RBFOX1: variants seen among roughly 807,000 people sequenced by gnomAD.
RBFOX1 encodes the protein RNA binding protein fox-1 homolog 1.
RBFOX1 carries 8 observed loss-of-function variants against 57.7 expected under a neutral mutation model. The ratio of observed to expected loss-of-function variants is 0.14; its 90% CI spans 0.08 to 0.25. The LOEUF is 0.25. Ranked by LOEUF, RBFOX1 falls within the 10% of genes least tolerant of loss-of-function variation. The probability of loss-of-function intolerance (pLI) is 1.00; values close to 1 mark genes in which losing one functional copy is unlikely to be tolerated. For missense variants in RBFOX1, 611 were observed against 548.5 expected (o/e 1.11, Z -1.14); for synonymous variants, 326 against 222.4 (o/e 1.47, Z -4.15).
At chr16:6,779,354 T>G (rs969569824) in intron 3 of RBFOX1, among the ~76,000 whole-genome samples, 2 of 152,058 alleles carry the variant, frequency 1.3e-5, no homozygotes, top group African/African-American at 4.8e-5. Context: ...ATGTCATGCT[T>G]TTTTGTGGTT....
chr16:6,544,208 T>C (rs1395900739), intron 2 of RBFOX1, among the ~76,000 whole-genome samples: 3 of 152,188 alleles, frequency 2.0e-5, no homozygotes, highest in Non-Finnish European at 1.5e-5. Context: ...GCATTCACTT[T>C]ATGGTACTTG....
chr16:6,447,730 C>G (rs764795799), intron 2 of RBFOX1, among the ~76,000 whole-genome samples: 1 of 152,174 alleles, frequency 6.6e-6, no homozygotes, highest in African/African-American at 2.4e-5. Context: ...GTATGCCACA[C>G]CAAATGCTGC....
At chr16:6,498,051 C>T (rs1238992126) in intron 2 of RBFOX1, among the ~76,000 whole-genome samples, 4 of 151,828 alleles carry the variant, frequency 2.6e-5, no homozygotes, top group Non-Finnish European at 5.9e-5. Context: ...GAGTTTGAGA[C>T]CAGCCTTGCC....
intron 4 of RBFOX1, among the ~76,000 whole-genome samples, chr16:7,197,334 C>G (rs2086961329): frequency 6.6e-6 from 1 of 151,452 alleles, no homozygotes. Flanking sequence ...ATTTTAACTC[C>G]TGATCTTGGG....
rs147610087 is a variant in RBFOX1, at chr16:5,711,898, T to C, written c.318+112937T>C. On this transcript the variant is annotated intron_variant, in intron 3 of 19. Coordinates refer to the RBFOX1 transcript ENST00000641259. ...TTTATTGAGTGCTTATTTAGGACCA[T>C]TGACCTGCTATGCATTAGTTTGTTC... 1.9e-3 allele frequency among the ~76,000 whole-genome samples: 293 copies of C among 152,342 alleles called. 1 individual carries two copies. The highest frequency in any genetic ancestry group is 6.5e-3 in the African/African-American group (271 of 41,574).
At chr16:5,884,211 G>A (rs1173837825) in intron 4 of RBFOX1, among the ~76,000 whole-genome samples, 1 of 152,220 alleles carries the variant, frequency 6.6e-6, no homozygotes, top group Non-Finnish European at 1.5e-5. Flanking sequence ...CAGCATCTCA[G>A]ATGATAACTC....
chr16:7,478,758 T>A (rs953392719), intron 4 of RBFOX1, among the ~76,000 whole-genome samples: 1 of 152,184 alleles, frequency 6.6e-6, no homozygotes, highest in Non-Finnish European at 1.5e-5. Flanking sequence ...CTGACTCCGC[T>A]TATTGCTGGA....
rs149361120 is a variant in RBFOX1, at chr16:6,805,732, C to G, written c.-16+151082C>G. 1.1e-3 allele frequency among the ~76,000 whole-genome samples: 165 copies of G among 152,276 alleles called. 1 individual carries two copies. Among genetic ancestry groups the G allele is most frequent in the African/African-American group, 3.8e-3 (159 of 41,576 alleles). ...TTCTGCATGCCTCACAATGTACCCT[C>G]CTTTCTTCAAGGTTTTTCCCTCCAC... On this transcript the variant is annotated intron_variant, in intron 3 of 15. Transcript: ENST00000550418.
intron 1 of RBFOX1, among the ~76,000 whole-genome samples, chr16:6,122,152 C>G (rs976853675): frequency 5.3e-5 from 8 of 152,164 alleles, no homozygotes; most frequent in African/African-American, 9.7e-5. Context: ...ATGATCCGCC[C>G]ACCTTGGTCT....
chr16:6,058,447 G>C (rs1455224302), intron 1 of RBFOX1, among the ~76,000 whole-genome samples: 1 of 151,986 alleles, frequency 6.6e-6, no homozygotes, highest in Non-Finnish European at 1.5e-5. Context: ...TGTTTATGCT[G>C]GTTTAGATCT....
At chr16:6,038,040 C>T (rs2095389391) in intron 1 of RBFOX1, 1 of 152,138 alleles carries the variant, frequency 6.6e-6, no homozygotes, top group South Asian at 2.1e-4. Flanking sequence ...ATGGGAAGCA[C>T]AGGGCTTCCA....
downstream of RBFOX1, among the ~76,000 whole-genome samples, chr16:5,601,969 G>T (rs895761765): frequency 1.3e-5 from 2 of 152,182 alleles, no homozygotes; most frequent in African/African-American, 4.8e-5. Context: ...AAGGGATGAT[G>T]GTATCCTGCT....
intron 5 of RBFOX1, among the ~76,000 whole-genome samples, chr16:7,531,585 A>G (rs902966574): frequency 1.3e-5 from 2 of 152,190 alleles, no homozygotes; most frequent in South Asian, 2.1e-4. Flanking sequence ...GGGGTCTTCC[A>G]TGAGCCATGC....
chr16:7,590,474 C>T (rs938797565), intron 7 of RBFOX1, among the ~76,000 whole-genome samples: 14 of 152,042 alleles, frequency 9.2e-5, no homozygotes, highest in South Asian at 2.1e-4. Flanking sequence ...ATTTATTTTT[C>T]CTTTTTACGA....
chr16:6,934,680 G>A lies in RBFOX1; in HGVS notation c.-15-117377G>A, dbSNP rs565159616. On this transcript the variant is annotated intron_variant, in intron 3 of 15. Coordinates refer to ENST00000550418, the MANE Select transcript of RBFOX1 (RefSeq NM_018723.4). ...ACCATATTCTCACTCATATGTGGGAGTTAAAAAATATGATCTCGAGATTTT... is the reference window on the plus strand; with the variant it reads ...ACCATATTCTCACTCATATGTGGGAATTAAAAAATATGATCTCGAGATTTT... Among the ~76,000 whole-genome samples, 5 of 150,758 alleles carry A rather than the reference G, an allele frequency of 3.3e-5. No individual in the cohort carries two copies. In the South Asian group the frequency reaches 8.3e-4, roughly 25 times the overall value.
chr16:7,582,310 C>T (rs902230907), intron 6 of RBFOX1, among the ~76,000 whole-genome samples: 28 of 152,266 alleles, frequency 1.8e-4, no homozygotes, highest in Admixed American at 1.4e-3. Flanking sequence ...CCTTGTTCAT[C>T]ACAAATAGCA....
At chr16:7,443,652 A>G (rs542996510) in intron 4 of RBFOX1, among the ~76,000 whole-genome samples, 4 of 152,310 alleles carry the variant, frequency 2.6e-5, no homozygotes, top group South Asian at 4.1e-4. Flanking sequence ...GTATTTCTAT[A>G]TATGTCTGTA....
chr16:7,620,613 A>T (rs954124604), intron 10 of RBFOX1, among the ~76,000 whole-genome samples: 5 of 152,206 alleles, frequency 3.3e-5, no homozygotes, highest in African/African-American at 1.2e-4. Flanking sequence ...TTAGCCAGGA[A>T]GAGTCAGGTG....
chr16:7,432,634 T>C (rs1458679700), intron 4 of RBFOX1, among the ~76,000 whole-genome samples: 1 of 152,194 alleles, frequency 6.6e-6, no homozygotes, highest in East Asian at 1.9e-4. Flanking sequence ...TCACAGACAA[T>C]ACATAAACAC....
Sources: allele counts gnomAD v4.1 joint callset (sites outside exome capture counted in the v4.1 genomes callset), GRCh38; gene constraint gnomAD v4.1.1; transcripts MANE v1.5; gene names NCBI Gene and HGNC (gene_info 2026-07-23, HGNC 2026-07-21).